GPR21: variants seen among roughly 807,000 people sequenced by gnomAD.
The protein encoded by GPR21 is G protein-coupled receptor 21.
GPR21 carries 9 observed loss-of-function variants against 21.5 expected under a neutral mutation model. That is an observed-to-expected ratio of 0.42 (90% CI 0.25 to 0.73). The LOEUF (loss-of-function observed/expected upper bound fraction) is 0.73. Ranked by LOEUF, GPR21 falls within the 30% of genes least tolerant of loss-of-function variation. GPR21 has a pLI of 0.27. For synonymous variants in GPR21, 169 were observed against 159.3 expected (o/e 1.06, Z -0.46); for missense variants, 416 against 428.9 (o/e 0.97, Z 0.27).
rs2032600446 is a variant in GPR21, at chr9:123,035,633, G to A, written c.*17G>A. ...CATATCTGAAGTGGCTCAGTTACGG[G>A]GTTCCCGTGTGTGTGTGTGTGTGTG... On this transcript the variant is annotated 3_prime_UTR_variant, in exon 2 of 2. Coordinates refer to ENST00000616002, the MANE Select transcript of GPR21 (RefSeq NM_005294.3). 1.4e-6 allele frequency: 2 copies of A among 1,403,568 alleles called. No individual in the cohort carries two copies. The highest frequency in any genetic ancestry group is 1.9e-6 in the Non-Finnish European group (2 of 1,028,430). The allele number at this position is 1,403,568 out of a possible 1,614,324, so 86.9% of individuals were successfully genotyped here. A position where few individuals can be genotyped will look rare whatever the true frequency, so the allele number is the denominator to read the frequency against.
At chr9:123,048,489 C>G in the GPR21 span, among the ~76,000 whole-genome samples, 1 of 152,214 alleles carries the variant, frequency 6.6e-6, no homozygotes, top group East Asian at 1.9e-4. Flanking sequence ...AAGATTTTAT[C>G]CATAGCATAC....
the GPR21 span, among the ~76,000 whole-genome samples, chr9:123,044,897 C>T: frequency 3.3e-5 from 5 of 152,002 alleles, no homozygotes; most frequent in Admixed American, 6.6e-5. Flanking sequence ...GTAAAGTATC[C>T]AGCTGGACAG....
chr9:123,048,411 CTT>C, the GPR21 span, among the ~76,000 whole-genome samples: 10 of 152,224 alleles, frequency 6.6e-5, no homozygotes, highest in African/African-American at 2.2e-4. Flanking sequence ...AAAAATATAA[CTT>C]GAGCAATATG....
downstream of GPR21, among the ~76,000 whole-genome samples, chr9:123,039,494 G>A (rs1268515103): frequency 6.6e-6 from 1 of 152,046 alleles, no homozygotes; most frequent in Non-Finnish European, 1.5e-5. Flanking sequence ...GGTATTATAG[G>A]GCAGTGATGT....
At position 123,035,136 on chromosome 9, in the gene GPR21, C is replaced by CT; in HGVS notation, c.572dup (p.Thr192HisfsTer56). ...CGGAGTCCTGGCACACCGACTCCTA[C>CT]TTCACCCTGTTCATCGTGATGATGT... On this transcript the variant is annotated frameshift_variant, in exon 2 of 2. Transcript: ENST00000616002. LOFTEE classifies it high-confidence loss of function. The CT allele has an allele frequency of 6.2e-7, 1 of 1,613,908 alleles. No homozygotes were observed. Among genetic ancestry groups the CT allele is most frequent in the Non-Finnish European group, 8.5e-7 (1 of 1,179,802 alleles).
Position 123,034,506 on chromosome 9 carries a change from T to C in GPR21, c.-61T>C. 9.4e-7 allele frequency: 1 copy of C among 1,064,076 alleles called. No homozygotes were observed. The highest frequency in any genetic ancestry group is 2.1e-5 in the Admixed American group (1 of 48,044). 65.9% of individuals were successfully genotyped at this position (1,064,076 alleles called of 1,614,324 possible). A position where few individuals can be genotyped will look rare whatever the true frequency, so the allele number is the denominator to read the frequency against. ...TGACCGCAATGACAGCAGCTGCTTC[T>C]TTGAACTGTTGGCAGCAGCCAAGCG... is the stretch of plus-strand genomic sequence containing the variant. On this transcript the variant is annotated 5_prime_UTR_variant, in exon 2 of 2. Transcript: ENST00000616002.
At chr9:123,044,638 T>TGTGTGA in the GPR21 span, among the ~76,000 whole-genome samples, 2 of 151,912 alleles carry the variant, frequency 1.3e-5, no homozygotes, top group African/African-American at 4.8e-5. Context: ...TGTGTGTGTG[T>TGTGTGA]GTGTGTGTGT....
rs750579463 is a variant in GPR21, at chr9:123,035,250, G to A, written c.684G>A (p.Arg228=). The change falls in exon 2 of 2, where the codon AGG becomes AGA. Residue 228 remains arginine, a synonymous_variant. Transcript: ENST00000616002. ...CQQHTKDISE[R]QARFSSQSGE... is the part of the protein sequence containing the mutation. ...AGCACACAAAGGATATCAGCGAAAG[G>A]CAAGCCCGCTTCAGCAGCCAGAGTG... is the stretch of plus-strand genomic sequence containing the variant. 11 of 1,614,070 alleles carry A rather than the reference G, an allele frequency of 6.8e-6. No individual in the cohort carries two copies. The highest frequency in any genetic ancestry group is 1.7e-5 in the Admixed American group (1 of 60,000).
chr9:123,039,961 C>T (rs945078954), downstream of GPR21, among the ~76,000 whole-genome samples: 3 of 152,072 alleles, frequency 2.0e-5, no homozygotes, highest in African/African-American at 7.2e-5. Flanking sequence ...CTTGATACTG[C>T]CATAGGGTAT....
At chr9:123,039,688 G>A (rs760485837), downstream of GPR21, among the ~76,000 whole-genome samples, 1 of 152,186 alleles carries the variant, frequency 6.6e-6, no homozygotes, top group East Asian at 1.9e-4. Context: ...ACTTCAGGCA[G>A]TGCTTTCAAA....
chr9:123,042,563 C>T, the GPR21 span, among the ~76,000 whole-genome samples: 3 of 152,154 alleles, frequency 2.0e-5, no homozygotes, highest in Non-Finnish European at 2.9e-5. Flanking sequence ...CAAGAAAGAA[C>T]TCTTGCAATT....
chr9:123,048,238 C>T, the GPR21 span, among the ~76,000 whole-genome samples: 2 of 152,156 alleles, frequency 1.3e-5, no homozygotes, highest in Admixed American at 6.6e-5. Flanking sequence ...CATGCCCAAT[C>T]AACTGCTGTA....
In GPR21 at chr9:123,034,896, A is replaced by T. The variant is rs757094961; in HGVS notation, c.330A>T (p.Ser110=). The T allele has an allele frequency of 9.3e-6, 15 of 1,613,450 alleles. No individual in the cohort carries two copies. In the East Asian group the frequency reaches 2.9e-4, roughly 31 times the overall value. ...LTCQIFGFVV[S]VLKSVSMASL... ...GCCAGATATTTGGTTTTGTAGTATC[A>T]GTTCTGAAGAGCGTCTCCATGGCTT... is the stretch of plus-strand genomic sequence containing the variant. The change falls in exon 2 of 2, where the codon TCA becomes TCT. Residue 110 remains serine (S), a synonymous_variant. Coordinates refer to ENST00000616002, the MANE Select transcript of GPR21 (RefSeq NM_005294.3).
At chr9:123,042,397 A>G in the GPR21 span, among the ~76,000 whole-genome samples, 6 of 152,194 alleles carry the variant, frequency 3.9e-5, no homozygotes, top group South Asian at 6.2e-4. Context: ...GCCCAAAACA[A>G]TCAAGCAAAT....
the GPR21 span, among the ~76,000 whole-genome samples, chr9:123,048,219 G>A: frequency 1.4e-4 from 21 of 152,192 alleles, no homozygotes; most frequent in African/African-American, 4.3e-4. Flanking sequence ...GATTACAGGC[G>A]TGAGCCATCA....
chr9:123,045,452 C>T, the GPR21 span, among the ~76,000 whole-genome samples: 4,112 of 152,224 alleles, frequency 0.027, 73 homozygotes, highest in Non-Finnish European at 0.044. Flanking sequence ...GTCATTCCTA[C>T]TTAAGTTTTG....
Position 123,035,072 on chromosome 9 carries a change from G to A in GPR21, c.506G>A (p.Gly169Asp). The A allele has an allele frequency of 6.2e-6, 10 of 1,614,028 alleles. No homozygotes were observed. The highest frequency in any genetic ancestry group is 8.5e-6 in the Non-Finnish European group (10 of 1,179,990). ...TTCCTGCCTTCCTTTTTCCACTGGG[G>A]CAAACCTGGATATCATGGAGATGTG... Reference protein sequence around the residue: ...LVFLPSFFHWGKPGYHGDVFQ... With the variant: ...LVFLPSFFHWDKPGYHGDVFQ... The change falls in exon 2 of 2, where the codon GGC becomes GAC. Residue 169 changes from glycine to aspartate, a missense_variant. Transcript: ENST00000616002.
rs1467771179 is a variant in GPR21 at position 123,034,801 on chromosome 9, G to A, written c.235G>A (p.Gly79Arg). 6.2e-7 allele frequency: 1 copy of A among 1,613,672 alleles called. No homozygotes were observed. Among genetic ancestry groups the A allele is most frequent in the East Asian group, 2.2e-5 (1 of 44,876 alleles). Reference sequence around the variant, plus strand: ...TATGGCATATGCTGACCTTTTTGTTGGGGTGAGCTGCGTGGTCCCTTCTTT... The same window carrying A: ...TATGGCATATGCTGACCTTTTTGTTAGGGTGAGCTGCGTGGTCCCTTCTTT... ...QTMAYADLFV[G>R]VSCVVPSLSL... Residue 79 changes from glycine to arginine, a missense_variant, in exon 2 of 2, where the codon GGG becomes AGG. Physicochemically the swap from Gly to Arg is moderately radical, Grantham distance 125. Coordinates refer to ENST00000616002, the MANE Select transcript of GPR21 (RefSeq NM_005294.3).
chr9:123,033,864 G>A (rs1344648363), intron 1 of GPR21, 122 bp downstream of exon 1: 1 of 152,230 alleles, frequency 6.6e-6, no homozygotes, highest in Non-Finnish European at 1.5e-5. Flanking sequence ...AGTGGTAATT[G>A]TAGTGAAAGG....
Sources: allele counts gnomAD v4.1 joint callset (sites outside exome capture counted in the v4.1 genomes callset), GRCh38; gene constraint gnomAD v4.1.1; transcripts MANE v1.5; gene names NCBI Gene and HGNC (gene_info 2026-07-23, HGNC 2026-07-21).